The following SEC63 variants were observed in gnomAD, a reference collection of about 807,000 sequenced individuals.
SEC63 encodes the protein translocation protein SEC63 homolog.
A neutral mutation model predicts 116.2 loss-of-function variants in SEC63; 56 were observed. That is an observed-to-expected ratio of 0.48 (90% confidence interval 0.39 to 0.60). SEC63 has a LOEUF of 0.60. Ranked by LOEUF, SEC63 falls within the 20% of genes least tolerant of loss-of-function variation. SEC63 has a pLI of 0.00. For synonymous variants in SEC63, 273 were observed against 294.6 expected (o/e 0.93, Z 0.75); for missense variants, 668 against 900.0 (o/e 0.74, Z 3.30).
intron 4 of SEC63, 129 bp downstream of exon 4, chr6:107,921,668 T>A: frequency 1.4e-6 from 1 of 720,194 alleles, no homozygotes; most frequent in Admixed American, 1.9e-5. Flanking sequence ...CCAGGGATGG[T>A]CTCAAACTCC....
intron 17 of SEC63, among the ~76,000 whole-genome samples, 182 bp from the exon 18 acceptor site, chr6:107,881,432 C>G (rs1241965529): frequency 1.3e-5 from 2 of 152,050 alleles, no homozygotes; most frequent in Non-Finnish European, 2.9e-5. Flanking sequence ...TTAAATCTAA[C>G]CACTGTAGTA....
At chr6:107,883,697 G>T (rs1180055437) in intron 16 of SEC63, among the ~76,000 whole-genome samples, 1 of 151,068 alleles carries the variant, frequency 6.6e-6, no homozygotes, top group East Asian at 1.9e-4. Flanking sequence ...GTCCCAGCTA[G>T]TTGGGAGGTT....
In SEC63 at chr6:107,869,903, A is replaced by G. The variant is rs1394998335; in HGVS notation, c.*1801T>C. ...CTCTTTAAGGCAAAGTAGCCACTAG[A>G]AAAAAAAAAACAACTTTTCTTGAAA... is the stretch of plus-strand genomic sequence containing the variant. On this transcript the variant is annotated 3_prime_UTR_variant, in exon 21 of 21. Transcript: ENST00000369002. The G allele has an allele frequency of 1.7e-4, 2 of 11,650 alleles. No homozygotes were observed. The highest frequency in any genetic ancestry group is 1.1e-3 in the East Asian group (2 of 1,900). 0.7% of individuals were successfully genotyped at this position (11,650 alleles called of 1,614,324 possible).
At chr6:107,930,097 A>C (rs1787764266) in intron 1 of SEC63, 3 of 152,964 alleles carry the variant, frequency 2.0e-5, no homozygotes, top group Admixed American at 6.5e-5. Context: ...AGCAGGACAT[A>C]CGCTAAAACC....
intron 13 of SEC63, among the ~76,000 whole-genome samples, chr6:107,900,553 T>C (rs868650725): frequency 2.0e-5 from 3 of 151,838 alleles, no homozygotes; most frequent in South Asian, 2.1e-4. Context: ...GAGGCTGAGG[T>C]AGAAGGATTG....
At chr6:107,871,961 A>G (rs1786145060) in intron 20 of SEC63, 114 bp from the exon 21 acceptor site, 1 of 1,007,232 alleles carries the variant, frequency 9.9e-7, no homozygotes, top group East Asian at 2.6e-5. Flanking sequence ...ATAGTTTTTT[A>G]TGGACACAAT....
intron 4 of SEC63, among the ~76,000 whole-genome samples, chr6:107,914,086 G>A (rs1384378116): frequency 6.6e-6 from 1 of 152,150 alleles, no homozygotes; most frequent in Non-Finnish European, 1.5e-5. Context: ...GTAATTTTTA[G>A]ATACCTAAAA....
At chr6:107,874,599 A>AC (rs1399892056) in intron 19 of SEC63, among the ~76,000 whole-genome samples, 1 of 150,856 alleles carries the variant, frequency 6.6e-6, no homozygotes, top group Admixed American at 6.6e-5. Context: ...CTGTCTCAAA[A>AC]AAAAAAAAAA....
At chr6:107,906,354 C>G in intron 10 of SEC63, 94 bp downstream of exon 10, 1 of 1,316,836 alleles carries the variant, frequency 7.6e-7, no homozygotes, top group East Asian at 2.3e-5. Context: ...TTCTTTAGAG[C>G]AATGCGAGAA....
intron 4 of SEC63, among the ~76,000 whole-genome samples, chr6:107,915,237 G>T (rs1272710006): frequency 1.3e-5 from 2 of 151,834 alleles, no homozygotes; most frequent in Admixed American, 6.6e-5. Context: ...ATTTTTTGGG[G>T]GTAACAGAGG....
intron 4 of SEC63, among the ~76,000 whole-genome samples, chr6:107,913,638 T>C (rs1005588393): frequency 1.1e-4 from 16 of 152,202 alleles, no homozygotes; most frequent in Admixed American, 9.8e-4. Flanking sequence ...GTCTTGATAC[T>C]AATTCCTGGT....
chr6:107,894,520 A>AAAAT (rs10685629), intron 14 of SEC63, among the ~76,000 whole-genome samples: 1 of 151,292 alleles, frequency 6.6e-6, no homozygotes, highest in Non-Finnish European at 1.5e-5. Flanking sequence ...TAAAAAAAAA[A>AAAAT]CACCATGAAA....
intron 3 of SEC63, 109 bp from the exon 4 acceptor site, chr6:107,922,018 AT>A (rs1209467424): frequency 2.9e-5 from 19 of 660,838 alleles, no homozygotes; most frequent in Non-Finnish European, 4.5e-5. Context: ...ACTACTCAGT[AT>A]TTTGAGAAAG....
At chr6:107,938,956 T>G (rs1486757757) in intron 1 of SEC63, among the ~76,000 whole-genome samples, 1 of 152,228 alleles carries the variant, frequency 6.6e-6, no homozygotes, top group African/African-American at 2.4e-5. Flanking sequence ...TTTTTTTGTT[T>G]TGAAAATATT....
At chr6:107,912,872 TC>T (rs1372646899) in intron 5 of SEC63, 98 bp from the exon 6 acceptor site, 2 of 895,968 alleles carry the variant, frequency 2.2e-6, no homozygotes, top group Non-Finnish European at 3.6e-6. Flanking sequence ...CCCAGAACTC[TC>T]CCCCACAACA....
At chr6:107,911,827 G>A (rs1417052440) in intron 6 of SEC63, among the ~76,000 whole-genome samples, 1 of 152,192 alleles carries the variant, frequency 6.6e-6, no homozygotes, top group Non-Finnish European at 1.5e-5. Context: ...AGTAGTTAGT[G>A]CTCTGGGAAC....
intron 1 of SEC63, among the ~76,000 whole-genome samples, chr6:107,934,567 C>T (rs1372220239): frequency 6.8e-6 from 1 of 147,198 alleles, no homozygotes; most frequent in South Asian, 2.2e-4. Flanking sequence ...GCAGCCACCC[C>T]GTCTGGGAAG....
intron 4 of SEC63, among the ~76,000 whole-genome samples, chr6:107,915,166 T>C (rs1787370151): frequency 1.3e-5 from 2 of 152,192 alleles, no homozygotes; most frequent in African/African-American, 4.8e-5. Flanking sequence ...AGATCAATGA[T>C]GCTAACAGAA....
intron 17 of SEC63, 58 bp from the exon 18 acceptor site, chr6:107,881,308 G>A: frequency 8.4e-7 from 1 of 1,193,082 alleles, no homozygotes; most frequent in Non-Finnish European, 1.2e-6. Flanking sequence ...TCACTTTAAG[G>A]ATTTCCAGGT....
Sources: allele counts gnomAD v4.1 joint callset (sites outside exome capture counted in the v4.1 genomes callset), GRCh38; gene constraint gnomAD v4.1.1; transcripts MANE v1.5; gene names NCBI Gene and HGNC (gene_info 2026-07-23, HGNC 2026-07-21).